The following FRMPD1 variants were observed in gnomAD, a reference collection of about 807,000 sequenced individuals.
The protein encoded by FRMPD1 is FERM and PDZ domain-containing protein 1.
Under a neutral mutation model 117.8 loss-of-function variants are expected in FRMPD1, and 76 were observed. The ratio of observed to expected loss-of-function variants is 0.65; its 90% CI spans 0.54 to 0.78. FRMPD1 has a LOEUF of 0.78. Among genes scored for constraint, FRMPD1 ranks in the 30% least tolerant of loss-of-function variants. The probability of loss-of-function intolerance (pLI) is 0.00; values close to 1 mark genes in which losing one functional copy is unlikely to be tolerated. For missense variants in FRMPD1, 1,786 were observed against 1,964.5 expected, an observed-to-expected ratio of 0.91 and a Z score of 1.72; for synonymous variants, 783 against 770.4, an observed-to-expected ratio of 1.02 and a Z score of -0.27.
Position 37,746,386 on chromosome 9 carries a change from A to C in FRMPD1, c.4354A>C (p.Thr1452Pro), listed in dbSNP as rs1588979806. The change falls in exon 16 of 16, where the codon ACC (threonine) becomes CCC (proline). Residue 1452 changes from threonine (T) to proline (P), a missense_variant. Transcript: ENST00000377765. Reference protein sequence around the residue: ...VGNKHPPEKCTWHFTESRSRL... With the variant: ...VGNKHPPEKCPWHFTESRSRL... ...AAACAAACATCCCCCAGAGAAGTGC[A>C]CCTGGCACTTTACCGAAAGCCGGAG... The C allele has an allele frequency of 1.2e-6, 2 of 1,612,826 alleles. No individual in the cohort carries two copies. The highest frequency in any genetic ancestry group is 1.7e-6 in the Non-Finnish European group (2 of 1,179,768).
chr9:37,623,551 G>A, the FRMPD1 span, among the ~76,000 whole-genome samples: 1 of 152,138 alleles, frequency 6.6e-6, no homozygotes, highest in Non-Finnish European at 1.5e-5. Flanking sequence ...TTTTGGCAAG[G>A]GGCTGGGGAC....
At chr9:37,711,752 G>A (rs1479463685) in intron 5 of FRMPD1, among the ~76,000 whole-genome samples, 4 of 152,182 alleles carry the variant, frequency 2.6e-5, no homozygotes, top group African/African-American at 7.2e-5. Context: ...TTGTAAAATA[G>A]TCATGACAAT....
the FRMPD1 span, among the ~76,000 whole-genome samples, chr9:37,612,726 A>G: frequency 6.6e-6 from 1 of 152,156 alleles, no homozygotes; most frequent in African/African-American, 2.4e-5. Flanking sequence ...TCCTGACCTC[A>G]GGTGATCTGC....
In FRMPD1 at chr9:37,725,158, T is replaced by C. The variant is rs112051987; in HGVS notation, c.612+838T>C. On this transcript the variant is annotated intron_variant, in intron 7 of 15. Transcript: ENST00000377765. ...ACAGGCTGTTTTCTTGTGGAAGGAG[T>C]GGCTGTGGAGGGCCTCAAATGCCAG... 3.6e-3 allele frequency among the ~76,000 whole-genome samples: 551 copies of C among 151,832 alleles called. 6 individuals are homozygous for C. The highest frequency in any genetic ancestry group is 0.013 in the African/African-American group (529 of 41,406).
intron 5 of FRMPD1, among the ~76,000 whole-genome samples, chr9:37,714,646 TC>T (rs1237900239): frequency 7.4e-6 from 1 of 135,098 alleles, no homozygotes; most frequent in Non-Finnish European, 1.6e-5. Flanking sequence ...TTTTATTTTA[TC>T]TTATTTTATT....
At chr9:37,732,260 A>G in intron 9 of FRMPD1, 44 bp from the exon 10 acceptor site, 2 of 1,605,486 alleles carry the variant, frequency 1.2e-6, no homozygotes, top group Non-Finnish European at 1.7e-6. Flanking sequence ...GGGACACAGT[A>G]TGTCTGCTTT....
At chr9:37,694,889 G>C (rs566081778) in intron 2 of FRMPD1, among the ~76,000 whole-genome samples, 1 of 152,118 alleles carries the variant, frequency 6.6e-6, no homozygotes, top group African/African-American at 2.4e-5. Context: ...TCATAGTGTG[G>C]ATTGGTATTT....
intron 1 of FRMPD1, among the ~76,000 whole-genome samples, chr9:37,666,764 A>T (rs1189099111): frequency 6.6e-6 from 1 of 152,106 alleles, no homozygotes; most frequent in African/African-American, 2.4e-5. Context: ...AAGCTTCTTG[A>T]CTGAAGAGAT....
chr9:37,664,146 A>G (rs1052990300), intron 1 of FRMPD1, among the ~76,000 whole-genome samples: 17 of 152,008 alleles, frequency 1.1e-4, no homozygotes, highest in African/African-American at 4.1e-4. Context: ...GAACTGTGAA[A>G]TGTTTCCTGA....
chr9:37,732,271 T>C (rs1823919302), intron 9 of FRMPD1, 33 bp from the exon 10 acceptor site: 1 of 1,610,072 alleles, frequency 6.2e-7, no homozygotes, highest in African/African-American at 1.3e-5. Flanking sequence ...TGTCTGCTTT[T>C]GTTTCCCATC....
chr9:37,655,941 GCTGT>G, intron 1 of FRMPD1, among the ~76,000 whole-genome samples: 1 of 152,148 alleles, frequency 6.6e-6, no homozygotes, highest in Non-Finnish European at 1.5e-5. Flanking sequence ...CCCTTAGGAA[GCTGT>G]CTTCCAGATC....
chr9:37,651,339 A>G lies in FRMPD1; in HGVS notation c.-5+245A>G, dbSNP rs545219859. Among the ~76,000 whole-genome samples, 19 of 152,260 alleles carry G rather than the reference A, an allele frequency of 1.2e-4. No individual in the cohort carries two copies. The South Asian group carries it at 1.5e-3, about 12-fold the overall frequency. ...GTGTGCTTAAGTTTCCGAGATCTGC[A>G]TGGTGTAGTGAGTGGAAACAGCGGC... On this transcript the variant is annotated intron_variant, in intron 1 of 15. Transcript: ENST00000377765.
intron 5 of FRMPD1, among the ~76,000 whole-genome samples, chr9:37,714,204 T>C (rs1016735747): frequency 2.6e-5 from 4 of 152,240 alleles, no homozygotes; most frequent in Admixed American, 2.0e-4. Flanking sequence ...TAAATGGTAG[T>C]GAAGGTGTTA....
intron 1 of FRMPD1, among the ~76,000 whole-genome samples, chr9:37,656,314 C>T (rs1282572479): frequency 1.3e-5 from 2 of 152,202 alleles, no homozygotes; most frequent in African/African-American, 4.8e-5. Flanking sequence ...GATGTAGCTC[C>T]TTCATTTGAT....
At chr9:37,650,911 G>T (rs1033879372), upstream of FRMPD1, 1 of 148,848 alleles carries the variant, frequency 6.7e-6, no homozygotes, top group Non-Finnish European at 1.5e-5. Context: ...GCGCGGGCGC[G>T]GCCCGGCCCG....
chr9:37,623,729 C>CTA, the FRMPD1 span, among the ~76,000 whole-genome samples: 1 of 152,026 alleles, frequency 6.6e-6, no homozygotes, highest in Non-Finnish European at 1.5e-5. Context: ...CTGTAGCAGG[C>CTA]TATAGATAGA....
At chr9:37,672,677 G>T (rs1284742410) in intron 1 of FRMPD1, among the ~76,000 whole-genome samples, 1 of 152,138 alleles carries the variant, frequency 6.6e-6, no homozygotes, top group Non-Finnish European at 1.5e-5. Context: ...TCACCCTGCT[G>T]ATAAAGACAT....
Position 37,708,505 on chromosome 9 carries a change from CT to C in FRMPD1, c.362+5del. 1.3e-6 allele frequency: 2 copies of C among 1,507,020 alleles called. No homozygotes were observed. The highest frequency in any genetic ancestry group is 1.8e-6 in the Non-Finnish European group (2 of 1,082,090). 93.4% of individuals were successfully genotyped at this position (1,507,020 alleles called of 1,614,324 possible). On this transcript the variant is annotated splice_donor_5th_base_variant and intron_variant, in intron 4 of 15. Coordinates refer to ENST00000377765, the MANE Select transcript of FRMPD1 (RefSeq NM_014907.3). ...AACGAGCAGTCGATATTCTCAGGTA[CT>C]AAATGGTCTTCCATCATCTACAGAA...
chr9:37,609,759 G>C, the FRMPD1 span, among the ~76,000 whole-genome samples: 3 of 146,822 alleles, frequency 2.0e-5, no homozygotes, highest in Non-Finnish European at 4.6e-5. Context: ...GGCTACAAAG[G>C]CTCCACGGGC....
Sources: allele counts gnomAD v4.1 joint callset (sites outside exome capture counted in the v4.1 genomes callset), GRCh38; gene constraint gnomAD v4.1.1; transcripts MANE v1.5; gene names NCBI Gene and HGNC (gene_info 2026-07-23, HGNC 2026-07-21).